The following RTN4 variants were observed in gnomAD, a reference collection of about 807,000 sequenced individuals.
The protein encoded by RTN4 is reticulon-4.
In RTN4, 32 loss-of-function variants were observed where a neutral mutation model predicts 90.4. That is an observed-to-expected ratio of 0.35 (90% CI 0.27 to 0.48). The LOEUF is 0.48. Among genes scored for constraint, RTN4 ranks in the 20% least tolerant of loss-of-function variants. The pLI is 0.99. For missense variants in RTN4, 1,706 were observed against 1,430.2 expected, an observed-to-expected ratio of 1.19 and a Z score of -3.11; for synonymous variants, 629 against 552.5, an observed-to-expected ratio of 1.14 and a Z score of -1.94.
intron 2 of RTN4, among the ~76,000 whole-genome samples, chr2:55,066,374 TC>T (rs1263728811): frequency 1.3e-5 from 2 of 152,142 alleles, no homozygotes; most frequent in East Asian, 1.9e-4. Flanking sequence ...TTCAGTTTAT[TC>T]TTTTTAATGC....
chr2:55,119,863 G>A, the RTN4 span, among the ~76,000 whole-genome samples: 1 of 152,192 alleles, frequency 6.6e-6, no homozygotes, highest in East Asian at 1.9e-4. Flanking sequence ...TTATGCAGGG[G>A]TGGAGGAGTC....
chr2:55,022,574 T>A (rs536112684), intron 3 of RTN4, among the ~76,000 whole-genome samples: 1 of 152,238 alleles, frequency 6.6e-6, no homozygotes, highest in East Asian at 1.9e-4. Context: ...TTCAGAGACC[T>A]TGGGCAAAAG....
At chr2:55,015,093 A>G (rs1469274299) in intron 3 of RTN4, among the ~76,000 whole-genome samples, 1 of 152,174 alleles carries the variant, frequency 6.6e-6, no homozygotes, top group African/African-American at 2.4e-5. Flanking sequence ...TTTATTCCAC[A>G]TAGTCAATTA....
At chr2:55,114,638 G>A (rs746249101), upstream of RTN4, among the ~76,000 whole-genome samples, 20 of 152,206 alleles carry the variant, frequency 1.3e-4, no homozygotes, top group Non-Finnish European at 2.8e-4. Context: ...GGTGGAGGTT[G>A]CAGTGAGCCA....
At chr2:55,077,138 G>A (rs530307192) in intron 2 of RTN4, among the ~76,000 whole-genome samples, 12 of 151,522 alleles carry the variant, frequency 7.9e-5, no homozygotes, top group African/African-American at 2.7e-4. Context: ...TCAGCCTCCC[G>A]AGTAGCTGGG....
At chr2:54,974,436 C>G (rs892620476) in intron 6 of RTN4, among the ~76,000 whole-genome samples, 1 of 152,164 alleles carries the variant, frequency 6.6e-6, no homozygotes, top group African/African-American at 2.4e-5. Context: ...TGCGCCACCA[C>G]GCCCAGCTAA....
intron 1 of RTN4, among the ~76,000 whole-genome samples, chr2:55,104,274 C>T (rs1667903960): frequency 1.3e-5 from 2 of 151,928 alleles, no homozygotes; most frequent in Admixed American, 1.3e-4. Context: ...CCAGGCTGGT[C>T]TCAAACTCCT....
At chr2:55,096,688 C>A (rs1397179749) in intron 1 of RTN4, among the ~76,000 whole-genome samples, 1 of 152,174 alleles carries the variant, frequency 6.6e-6, no homozygotes, top group Non-Finnish European at 1.5e-5. Context: ...GTCTTTTTCT[C>A]AATCTGAACG....
chr2:55,117,236 T>A (rs900098945), upstream of RTN4, among the ~76,000 whole-genome samples: 44 of 152,338 alleles, frequency 2.9e-4, no homozygotes, highest in Non-Finnish European at 5.6e-4. Context: ...AAGACAGACA[T>A]GTGAGACCTT....
intron 6 of RTN4, 117 bp downstream of exon 6, chr2:54,974,578 G>T: frequency 3.4e-6 from 3 of 889,992 alleles, no homozygotes; most frequent in Non-Finnish European, 5.5e-6. Flanking sequence ...ACCGCGCCCG[G>T]CCCACATTTT....
intron 3 of RTN4, among the ~76,000 whole-genome samples, chr2:54,997,514 C>A (rs1679524244): frequency 6.6e-6 from 1 of 152,030 alleles, no homozygotes. Context: ...AATTTTCACC[C>A]AAGAAACTAG....
intron 5 of RTN4, among the ~76,000 whole-genome samples, chr2:54,977,463 T>C (rs981635806): frequency 2.0e-5 from 3 of 149,786 alleles, no homozygotes; most frequent in Non-Finnish European, 4.4e-5. Flanking sequence ...TGGAACATTA[T>C]AGTTGCGCCT....
At position 55,025,114 on chromosome 2, in the gene RTN4, T is replaced by C. The variant is rs1442449324; in HGVS notation, c.2985A>G (p.Ile995Met). The C allele has an allele frequency of 1.2e-6, 2 of 1,611,054 alleles. No homozygotes were observed. Among genetic ancestry groups the C allele is most frequent in the Non-Finnish European group, 1.7e-6 (2 of 1,178,712 alleles). ...TEKEDRSPSAIFSAELSKTSV... is the reference protein window; with the variant it reads ...TEKEDRSPSAMFSAELSKTSV... ...AAGTTTTACTCAGCTCTGCTGAAAATATAGCAGATGGTGATCTGTCCTCTT... is the reference window on the plus strand; with the variant it reads ...AAGTTTTACTCAGCTCTGCTGAAAACATAGCAGATGGTGATCTGTCCTCTT... Residue 995 changes from isoleucine to methionine, a missense_variant, in exon 3 of 9, where the codon ATA becomes ATG. Coordinates refer to ENST00000337526, the MANE Select transcript of RTN4 (RefSeq NM_020532.5).
chr2:55,011,517 A>G (rs1320831657), intron 3 of RTN4, among the ~76,000 whole-genome samples: 1 of 152,222 alleles, frequency 6.6e-6, no homozygotes, highest in Non-Finnish European at 1.5e-5. Context: ...TTAAAATGCA[A>G]TTTGCGAAAA....
In RTN4 at chr2:54,979,393, T is replaced by A. The variant is rs566125219; in HGVS notation, c.3360+3122A>T. ...TCTTCTTTTTAAAATGCTCTCTATATAAACAAAAACTGTGGTGGATAAGTG... is the reference window on the plus strand; with the variant it reads ...TCTTCTTTTTAAAATGCTCTCTATAAAAACAAAAACTGTGGTGGATAAGTG... On this transcript the variant is annotated intron_variant, in intron 5 of 8. Transcript: ENST00000337526. Among the ~76,000 whole-genome samples the A allele has an allele frequency of 1.0e-3, 155 of 152,214 alleles. 3 individuals are homozygous for A. The highest frequency in any genetic ancestry group is 8.8e-5 in the Non-Finnish European group (6 of 67,998).
chr2:55,050,027 C>T lies in RTN4; in HGVS notation c.274G>A (p.Gly92Arg). ...GNDFVPPAPR[G>R]PLPAAPPVAP... ...ACGGGGGGAGCGGCCGGCAGGGGTCCCCGGGGCGCCGGCGGCACGAAGTCA... is the reference window on the plus strand; with the variant it reads ...ACGGGGGGAGCGGCCGGCAGGGGTCTCCGGGGCGCCGGCGGCACGAAGTCA... The change falls in exon 1 of 9, where the codon GGA becomes AGA. Residue 92 changes from glycine (G) to arginine (R), a missense_variant. Coordinates refer to ENST00000337526, the MANE Select transcript of RTN4 (RefSeq NM_020532.5). The surrounding 1 kb of genome is among the most constrained non-coding windows in gnomAD (Gnocchi z 4.6). 1 of 1,393,460 alleles carries T rather than the reference C, an allele frequency of 7.2e-7. No homozygotes were observed. Among genetic ancestry groups the T allele is most frequent in the Non-Finnish European group, 9.3e-7 (1 of 1,081,014 alleles). The allele number at this position is 1,393,460 out of a possible 1,614,324, so 86.3% of individuals were successfully genotyped here.
chr2:55,118,319 G>C, the RTN4 span, among the ~76,000 whole-genome samples: 1 of 152,066 alleles, frequency 6.6e-6, no homozygotes, highest in Non-Finnish European at 1.5e-5. Context: ...TTAAAAATTA[G>C]CCAGGAGAAG....
intron 1 of RTN4, among the ~76,000 whole-genome samples, chr2:55,034,610 C>T (rs1448307304): frequency 6.6e-6 from 1 of 152,066 alleles, no homozygotes. Context: ...ACCTACAATA[C>T]AAGAAATGTT....
intron 1 of RTN4, among the ~76,000 whole-genome samples, chr2:55,105,674 A>C (rs1179413691): frequency 6.6e-6 from 1 of 152,102 alleles, no homozygotes; most frequent in East Asian, 1.9e-4. Context: ...TATTGTAGTC[A>C]AAAGCAATCT....
Sources: gnomAD v4.1 joint callset for allele counts (sites outside exome capture counted in the v4.1 genomes callset) on GRCh38, gnomAD v4.1.1 for gene constraint, Gnocchi (gnomAD v3.1) non-coding constraint, MANE v1.5 for transcripts, NCBI Gene and HGNC (gene_info 2026-07-23, HGNC 2026-07-21) for gene names.